Variants in HSP90B1 observed in about 807,000 individuals in gnomAD.
The protein encoded by HSP90B1 is heat shock protein 90 beta family member 1, also known as endoplasmin.
Under a neutral mutation model 100.4 loss-of-function variants are expected in HSP90B1, and 27 were observed. The observed-to-expected ratio is 0.27, with a 90% CI of 0.20 to 0.37. The LOEUF (loss-of-function observed/expected upper bound fraction) is 0.37, where lower values mean the gene tolerates loss of function less well. Ranked by LOEUF, HSP90B1 falls within the 10% of genes least tolerant of loss-of-function variation. HSP90B1 has a pLI of 1.00. For missense variants in HSP90B1, 678 were observed against 960.5 expected, an observed-to-expected ratio of 0.71 and a Z score of 3.89; for synonymous variants, 304 against 330.8, an observed-to-expected ratio of 0.92 and a Z score of 0.88.
In HSP90B1 at chr12:103,930,448, A is replaced by G. The variant is rs1200770219; in HGVS notation, c.-68A>G. ...CGCGGCTGGAGGTGTGAGGATCCGA[A>G]CCCAGGGGTGGGGGGTGGAGGCGGC... On this transcript the variant is annotated 5_prime_UTR_variant, in exon 1 of 18. Coordinates refer to ENST00000299767, the MANE Select transcript of HSP90B1 (RefSeq NM_003299.3). The surrounding 1 kb of genome is among the most constrained non-coding windows in gnomAD (Gnocchi z 4.4). 16 of 1,490,750 alleles carry G rather than the reference A, an allele frequency of 1.1e-5. No individual in the cohort carries two copies. Among genetic ancestry groups the G allele is most frequent in the Non-Finnish European group, 1.4e-5 (15 of 1,101,322 alleles). The allele number at this position is 1,490,750 out of a possible 1,614,324, so 92.3% of individuals were successfully genotyped here.
chr12:103,942,038 G>C, intron 11 of HSP90B1, 141 bp downstream of exon 11: 1 of 649,182 alleles, frequency 1.5e-6, no homozygotes, highest in South Asian at 1.8e-5. Context: ...GGAGTTATCA[G>C]ATCCTAAGAA....
At position 103,939,543 on chromosome 12, in the gene HSP90B1, A is replaced by G; in HGVS notation, c.1010A>G (p.Asn337Ser). 1 of 1,577,814 alleles carries G rather than the reference A, an allele frequency of 6.3e-7. No individual in the cohort carries two copies. Among genetic ancestry groups the G allele is most frequent in the Non-Finnish European group, 8.6e-7 (1 of 1,163,784 alleles). The change falls in exon 8 of 18, where the codon AAT becomes AGT. Residue 337 changes from asparagine to serine, a missense_variant. This residue lies in a region of HSP90B1 where 238 missense variants were observed against 346.7 expected (regional missense o/e 0.69). Coordinates refer to ENST00000299767, the MANE Select transcript of HSP90B1 (RefSeq NM_003299.3). ...EKTVWDWELM[N>S]DIKPIWQRPS... ...ACTGTCTGGGACTGGGAACTTATGAATGATATCAAACCAATATGGCAGAGA... is the reference window on the plus strand; with the variant it reads ...ACTGTCTGGGACTGGGAACTTATGAGTGATATCAAACCAATATGGCAGAGA...
chr12:103,932,473 C>T, intron 3 of HSP90B1, 55 bp downstream of exon 3: 2 of 1,467,958 alleles, frequency 1.4e-6, no homozygotes, highest in African/African-American at 1.4e-5. Flanking sequence ...TACTTGTTTA[C>T]TTAAATTTGC....
intron 15 of HSP90B1, 21 bp from the exon 16 acceptor site, chr12:103,946,765 G>A (rs1212071355): frequency 1.2e-6 from 2 of 1,613,684 alleles, no homozygotes; most frequent in Admixed American, 1.7e-5. Flanking sequence ...TATTAATCTA[G>A]TGCATCTTCT....
chr12:103,930,673 C>A lies in HSP90B1; in HGVS notation c.49+109C>A. 1.0e-6 allele frequency: 1 copy of A among 956,212 alleles called. No individual in the cohort carries two copies. Among genetic ancestry groups the A allele is most frequent in the Non-Finnish European group, 1.6e-6 (1 of 637,316 alleles). The allele number at this position is 956,212 out of a possible 1,614,324, so 59.2% of individuals were successfully genotyped here. ...GGGGGATCCCGGGGCCTGCGGTGGGCCAAGGGACGTCACCATTCCTCGAAA... is the reference window on the plus strand; with the variant it reads ...GGGGGATCCCGGGGCCTGCGGTGGGACAAGGGACGTCACCATTCCTCGAAA... On this transcript the variant is annotated intron_variant, in intron 1 of 17. Coordinates refer to ENST00000299767, the MANE Select transcript of HSP90B1 (RefSeq NM_003299.3). This position sits in a 1 kb window ranked among gnomAD's most constrained non-coding sequence, Gnocchi z 4.4.
rs1593491779 is a variant in HSP90B1 at position 103,943,124 on chromosome 12, T to C, written c.1695T>C (p.Val565=). Residue 565 remains valine, a synonymous_variant, in exon 13 of 18, where the codon GTT becomes GTC. Coordinates refer to ENST00000299767, the MANE Select transcript of HSP90B1 (RefSeq NM_003299.3). The surrounding 1 kb of genome is among the most constrained non-coding windows in gnomAD (Gnocchi z 5.3). ...VERLLKKGYE[V]IYLTEPVDEY... is the part of the protein sequence containing the mutation. Reference sequence around the variant, plus strand: ...GACTTCTGAAAAAGGGCTATGAAGTTATTTACCTCACAGAACCTGTGGATG... The same window carrying C: ...GACTTCTGAAAAAGGGCTATGAAGTCATTTACCTCACAGAACCTGTGGATG... The C allele has an allele frequency of 6.2e-7, 1 of 1,614,192 alleles. No homozygotes were observed. Among genetic ancestry groups the C allele is most frequent in the Non-Finnish European group, 8.5e-7 (1 of 1,180,018 alleles).
At chr12:103,941,998 T>C in intron 11 of HSP90B1, 101 bp downstream of exon 11, 3 of 825,602 alleles carry the variant, frequency 3.6e-6, no homozygotes, top group Non-Finnish European at 4.1e-6. Flanking sequence ...GTCTGGTCCA[T>C]GATTCTTCAG....
At position 103,947,416 on chromosome 12, in the gene HSP90B1, G is replaced by C. The variant is rs910493716; in HGVS notation, c.2368G>C (p.Glu790Gln). 5 of 1,613,982 alleles carry C rather than the reference G, an allele frequency of 3.1e-6. No individual in the cohort carries two copies. The South Asian group carries it at 5.5e-5, about 18-fold the overall frequency. ...AATGGATGTGGGAACAGATGAAGAAGAAGAAACAGCAAAGGTATGGCAAAT... is the reference window on the plus strand; with the variant it reads ...AATGGATGTGGGAACAGATGAAGAACAAGAAACAGCAAAGGTATGGCAAAT... ...EEMDVGTDEE[E>Q]ETAKESTAEK... The change falls in exon 17 of 18, where the codon GAA becomes CAA. Residue 790 changes from glutamate to glutamine, a missense_variant. Glu to Gln is a conservative substitution (Grantham distance 29). Coordinates refer to ENST00000299767, the MANE Select transcript of HSP90B1 (RefSeq NM_003299.3).
At position 103,941,391 on chromosome 12, in the gene HSP90B1, A is replaced by G. The variant is rs1217010354; in HGVS notation, c.1093-19A>G. ...TTCTCCTGTGTCGTTTGAATGACTA[A>G]GATACCAACTTTCCACAGGAAAGTG... On this transcript the variant is annotated intron_variant, in intron 8 of 17. Coordinates refer to ENST00000299767, the MANE Select transcript of HSP90B1 (RefSeq NM_003299.3). 1 of 1,610,594 alleles carries G rather than the reference A, an allele frequency of 6.2e-7. No homozygotes were observed. Among genetic ancestry groups the G allele is most frequent in the African/African-American group, 1.3e-5 (1 of 74,812 alleles).
chr12:103,933,018 T>C (rs1869811378), intron 4 of HSP90B1, 76 bp downstream of exon 4: 2 of 773,482 alleles, frequency 2.6e-6, no homozygotes, highest in Non-Finnish European at 4.4e-6. Context: ...TCAGTCAAGA[T>C]AGGCTAGATT....
intron 2 of HSP90B1, 55 bp from the exon 3 acceptor site, chr12:103,932,222 A>G: frequency 6.9e-7 from 1 of 1,442,856 alleles, no homozygotes; most frequent in Non-Finnish European, 9.4e-7. Flanking sequence ...TAATTCCTCT[A>G]GTTTTGAAGG....
intron 1 of HSP90B1, among the ~76,000 whole-genome samples, chr12:103,931,221 T>C (rs1869748243): frequency 6.6e-6 from 1 of 152,260 alleles, no homozygotes; most frequent in South Asian, 2.1e-4. Context: ...GCGCAACACG[T>C]GTGGGTGTAG....
intron 14 of HSP90B1, among the ~76,000 whole-genome samples, 162 bp from the exon 15 acceptor site, chr12:103,946,456 A>T (rs1870235443): frequency 6.6e-6 from 1 of 152,002 alleles, no homozygotes; most frequent in South Asian, 2.1e-4. Flanking sequence ...TGGAAAAAAA[A>T]TAGCATATAA....
chr12:103,941,346 G>A, intron 8 of HSP90B1, 64 bp from the exon 9 acceptor site: 1 of 1,532,510 alleles, frequency 6.5e-7, no homozygotes, highest in South Asian at 1.2e-5. Flanking sequence ...ATAGTACATT[G>A]CTTAGTTCTT....
At chr12:103,946,533 C>A (rs1419742140) in intron 14 of HSP90B1, 85 bp from the exon 15 acceptor site, 1 of 925,534 alleles carries the variant, frequency 1.1e-6, no homozygotes, top group Non-Finnish European at 1.7e-6. Flanking sequence ...AAGAGTTGTT[C>A]TGTGTAATTA....
intron 12 of HSP90B1, 130 bp from the exon 13 acceptor site, chr12:103,942,944 A>G (rs1465206590): frequency 7.0e-7 from 1 of 1,432,508 alleles, no homozygotes; most frequent in East Asian, 2.3e-5. Context: ...GGTCATTTAT[A>G]TTCTCTGAAC....
chr12:103,942,460 G>A (rs1011457390), intron 11 of HSP90B1, 67 bp from the exon 12 acceptor site: 1 of 1,450,844 alleles, frequency 6.9e-7, no homozygotes, highest in African/African-American at 1.4e-5. Flanking sequence ...ACTCCTGCCT[G>A]GGTACCTTAC....
rs1405145592 is a variant in HSP90B1 at position 103,931,618 on chromosome 12, A to G, written c.147A>G (p.Val49=). The G allele has an allele frequency of 6.2e-7, 1 of 1,609,296 alleles. No homozygotes were observed. Among genetic ancestry groups the G allele is most frequent in the Non-Finnish European group, 8.5e-7 (1 of 1,175,880 alleles). Residue 49 remains valine, a synonymous_variant, in exon 2 of 18, where the codon GTA becomes GTG. Transcript: ENST00000299767. ...GATCAAGGACGGATGATGAAGTAGT[A>G]CAGAGGTTTGTGTTCATTTGAACTT... ...REGSRTDDEV[V]QREEEAIQLD... is the part of the protein sequence containing the mutation.
rs1162301702 is a variant in HSP90B1 at position 103,946,800 on chromosome 12, T to TA, written c.2125dup (p.Thr709AsnfsTer11). On this transcript the variant is annotated frameshift_variant, in exon 16 of 18. Coordinates refer to ENST00000299767, the MANE Select transcript of HSP90B1 (RefSeq NM_003299.3). LOFTEE classifies it high-confidence loss of function. The stretch of plus-strand genomic sequence containing the variant: ...TTGCATTTCAGGAAGATGAAGATGA[T>TA]AAAACAGTTTTGGATCTTGCTGTGG... 6.2e-7 allele frequency: 1 copy of TA among 1,614,128 alleles called. No homozygotes were observed. Among genetic ancestry groups the TA allele is most frequent in the Admixed American group, 1.7e-5 (1 of 60,008 alleles).
Sources: gnomAD v4.1 joint callset for allele counts (sites outside exome capture counted in the v4.1 genomes callset) on GRCh38, gnomAD v4.1.1 for gene constraint, gnomAD v4.1.1 regional missense constraint, Gnocchi (gnomAD v3.1) non-coding constraint, MANE v1.5 for transcripts, NCBI Gene and HGNC (gene_info 2026-07-23, HGNC 2026-07-21) for gene names.